SH2D2A: variants seen among roughly 807,000 people sequenced by gnomAD.
SH2D2A encodes the protein SH2 domain containing 2A, also known as SH2 domain-containing protein 2A.
In SH2D2A, 33 loss-of-function variants were observed where a neutral mutation model predicts 43.6. The observed-to-expected ratio is 0.76, with a 90% CI of 0.57 to 1.01. The LOEUF (loss-of-function observed/expected upper bound fraction) is 1.01, where lower values mean the gene tolerates loss of function less well. SH2D2A is among the 50% of genes least tolerant of loss of function. SH2D2A has a pLI of 0.00. For synonymous variants in SH2D2A, 212 were observed against 206.1 expected (o/e 1.03, Z -0.25); for missense variants, 491 against 503.1 (o/e 0.98, Z 0.23).
Position 156,809,389 on chromosome 1 carries a change from G to A in SH2D2A, c.816C>T (p.Arg272=). The A allele has an allele frequency of 6.2e-7, 1 of 1,614,058 alleles. No individual in the cohort carries two copies. Among genetic ancestry groups the A allele is most frequent in the Non-Finnish European group, 8.5e-7 (1 of 1,180,016 alleles). Residue 272 remains arginine (R), a synonymous_variant, in exon 7 of 9, where the codon CGC becomes CGT. Coordinates refer to ENST00000368199, the MANE Select transcript of SH2D2A (RefSeq NM_003975.4). The surrounding 1 kb of genome is among the most constrained non-coding windows in gnomAD (Gnocchi z 4.8). ...TGTAGATAGGATTGGAGGGCTTGGG[G>A]CGTGGGGCCGGGCGGTGTCGTGGAA... The part of the protein sequence containing the change: ...IPVPRHRPAP[R]PKPSNPIYNE...
At chr1:156,814,648 G>C in intron 3 of SH2D2A, 1 of 404,096 alleles carries the variant, frequency 2.5e-6, no homozygotes, top group Non-Finnish European at 4.4e-6. Flanking sequence ...AAAGAGTTAG[G>C]GAGAAATGAG....
Position 156,815,133 on chromosome 1 carries a change from T to C in SH2D2A, c.212A>G (p.Gln71Arg). The C allele has an allele frequency of 6.2e-7, 1 of 1,609,796 alleles. No homozygotes were observed. Among genetic ancestry groups the C allele is most frequent in the Non-Finnish European group, 8.5e-7 (1 of 1,178,236 alleles). ...CTGGAACCAAGCCCGGGTCTCGGCC[T>C]GCAGGAACAGGCTTCCTTCTCCAGG... ...EVPGEGSLFLQAETRAWFQKT... is the reference protein window; with the variant it reads ...EVPGEGSLFLRAETRAWFQKT... Residue 71 changes from glutamine to arginine, a missense_variant, in exon 3 of 9, where the codon CAG becomes CGG. Gln to Arg is a conservative substitution (Grantham distance 43, BLOSUM62 1). Transcript: ENST00000368199.
chr1:156,813,835 C>T lies in SH2D2A; in HGVS notation c.567+13G>A. ...AGACCCTGGGCTCTCTGGTCAGGGT[C>T]TGGGGCGCGTACCTGTCGGGCGAGG... On this transcript the variant is annotated intron_variant, in intron 5 of 8. Coordinates refer to ENST00000368199, the MANE Select transcript of SH2D2A (RefSeq NM_003975.4). The T allele has an allele frequency of 6.8e-7, 1 of 1,461,256 alleles. No individual in the cohort carries two copies. The highest frequency in any genetic ancestry group is 2.5e-5 in the East Asian group (1 of 39,894). 90.5% of individuals were successfully genotyped at this position (1,461,256 alleles called of 1,614,324 possible).
intron 1 of SH2D2A, 142 bp from the exon 2 acceptor site, chr1:156,816,236 G>T (rs1653917928): frequency 1.5e-6 from 2 of 1,376,284 alleles, no homozygotes; most frequent in African/African-American, 1.5e-5. Flanking sequence ...GGCAGCAGGG[G>T]AGTTTCTCAG....
At chr1:156,814,164 G>T in intron 4 of SH2D2A, 41 bp downstream of exon 4, 1 of 1,610,742 alleles carries the variant, frequency 6.2e-7, no homozygotes. Flanking sequence ...CCCCTCCCGA[G>T]CCCCGCCTTG....
At chr1:156,815,916 TG>T in intron 2 of SH2D2A, 89 bp downstream of exon 2, 1 of 1,610,302 alleles carries the variant, frequency 6.2e-7, no homozygotes, top group Non-Finnish European at 8.5e-7. Flanking sequence ...TCTCTTGGAG[TG>T]GCCTTTGTCC....
chr1:156,812,106 A>T (rs1299641901), intron 5 of SH2D2A, among the ~76,000 whole-genome samples: 1 of 150,878 alleles, frequency 6.6e-6, no homozygotes, highest in African/African-American at 2.4e-5. Context: ...ATCTTTTCAC[A>T]CTCCTCATCC....
intron 5 of SH2D2A, among the ~76,000 whole-genome samples, chr1:156,812,575 C>T (rs1055979867): frequency 2.0e-5 from 3 of 152,210 alleles, no homozygotes; most frequent in Admixed American, 6.5e-5. Context: ...TCCGCTTACC[C>T]GAGTGGCCTT....
Position 156,807,137 on chromosome 1 carries a change from C to T in SH2D2A, c.*3+38G>A, listed in dbSNP as rs755108108. On this transcript the variant is annotated intron_variant, in intron 8 of 8. Coordinates refer to ENST00000368199, the MANE Select transcript of SH2D2A (RefSeq NM_003975.4). The surrounding 1 kb of genome is among the most constrained non-coding windows in gnomAD (Gnocchi z 5.1). ...CAGGTGTGTGTGAAGGTCTCTGGAC[C>T]TGATGCTCCAAGTTATCCTCACCAA... is the stretch of plus-strand genomic sequence containing the variant. 1.9e-6 allele frequency: 3 copies of T among 1,592,634 alleles called. No homozygotes were observed. Among genetic ancestry groups the T allele is most frequent in the Non-Finnish European group, 2.6e-6 (3 of 1,162,928 alleles).
chr1:156,808,795 A>G (rs2102791572), intron 7 of SH2D2A, among the ~76,000 whole-genome samples: 1 of 152,302 alleles, frequency 6.6e-6, no homozygotes, highest in African/African-American at 2.4e-5. Flanking sequence ...TTTCTCCAGG[A>G]CAGCAGGGCC....
chr1:156,807,271 TG>T lies in SH2D2A; in HGVS notation c.1076del (p.Pro359HisfsTer68). 2 of 329,890 alleles carry T rather than the reference TG, an allele frequency of 6.1e-6. No individual in the cohort carries two copies. The allele number at this position is 329,890 out of a possible 1,614,324, so 20.4% of individuals were successfully genotyped here. On this transcript the variant is annotated frameshift_variant, in exon 8 of 9. Coordinates refer to ENST00000368199, the MANE Select transcript of SH2D2A (RefSeq NM_003975.4). LOFTEE classifies it high-confidence loss of function. The surrounding 1 kb of genome is among the most constrained non-coding windows in gnomAD (Gnocchi z 5.1). ...GGGGGAGGGTGTGTCTCCAGGCGGG[TG>T]GGGGCTGGTGGGGCAGGGGAGGGCC... ...GQGPPLPHQP[P>X]PAWRHTLPHN...
intron 1 of SH2D2A, 107 bp downstream of exon 1, chr1:156,816,568 G>T: frequency 8.0e-7 from 1 of 1,247,128 alleles, no homozygotes; most frequent in Non-Finnish European, 1.1e-6. Flanking sequence ...TCTGGCTTAG[G>T]GTGGGGCCCC....
rs778939781 is a variant in SH2D2A at position 156,809,462 on chromosome 1, G to A, written c.743C>T (p.Pro248Leu). Residue 248 changes from proline to leucine, a missense_variant, in exon 7 of 9, where the codon CCC (proline) becomes CTC (leucine). Transcript: ENST00000368199. The surrounding 1 kb of genome is among the most constrained non-coding windows in gnomAD (Gnocchi z 4.8). The stretch of plus-strand genomic sequence containing the variant: ...GGGCAGCTGAGGTTTGGCGGGGATG[G>A]GAGGCTTGGGCCTGAGCAGCTGGGA... ...EPSQLLRPKP[P>L]IPAKPQLPPE... 10 of 1,609,768 alleles carry A rather than the reference G, an allele frequency of 6.2e-6. No homozygotes were observed. The South Asian group carries it at 9.9e-5, about 16-fold the overall frequency.
chr1:156,815,811 T>C, intron 2 of SH2D2A, 195 bp downstream of exon 2: 1 of 1,613,994 alleles, frequency 6.2e-7, no homozygotes, highest in Non-Finnish European at 8.5e-7. Context: ...AGTAAGGGAG[T>C]GAGTGGGCAA....
intron 5 of SH2D2A, among the ~76,000 whole-genome samples, chr1:156,812,220 T>C (rs892341216): frequency 6.6e-6 from 1 of 152,104 alleles, no homozygotes; most frequent in African/African-American, 2.4e-5. Flanking sequence ...GCTGCCATCA[T>C]TTCATGTGAA....
chr1:156,813,994 A>G lies in SH2D2A; in HGVS notation c.421T>C (p.Phe141Leu), dbSNP rs1213304781. The G allele has an allele frequency of 1.3e-6, 2 of 1,519,334 alleles. No individual in the cohort carries two copies. Among genetic ancestry groups the G allele is most frequent in the Non-Finnish European group, 1.8e-6 (2 of 1,134,548 alleles). 94.1% of individuals were successfully genotyped at this position (1,519,334 alleles called of 1,614,324 possible). A position where few individuals can be genotyped will look rare whatever the true frequency, so the allele number is the denominator to read the frequency against. Residue 141 changes from phenylalanine (F) to leucine (L), a missense_variant, in exon 5 of 9, where the codon TTC becomes CTC. Transcript: ENST00000368199. ...CCGTCCCTGAGCTGGGCCAGCAGGA[A>G]GTGGCGGCAGCAAGTCCGGCTCCTG... is the stretch of plus-strand genomic sequence containing the variant. Reference protein sequence around the residue: ...TYRSRTCCRHFLLAQLRDGRH... With the variant: ...TYRSRTCCRHLLLAQLRDGRH...
At chr1:156,813,797 G>A (rs2018304104) in intron 5 of SH2D2A, 51 bp downstream of exon 5, 2 of 1,348,638 alleles carry the variant, frequency 1.5e-6, no homozygotes, top group African/African-American at 1.5e-5. Context: ...TGAGCGGGAG[G>A]GGCGCTGGCC....
intron 3 of SH2D2A, 168 bp from the exon 4 acceptor site, chr1:156,814,462 C>G: frequency 2.3e-6 from 3 of 1,297,692 alleles, no homozygotes; most frequent in Non-Finnish European, 2.1e-6. Flanking sequence ...GCTGCTCTCC[C>G]GCTGCAGGGA....
At chr1:156,808,282 G>C (rs1653117643) in intron 7 of SH2D2A, among the ~76,000 whole-genome samples, 1 of 152,200 alleles carries the variant, frequency 6.6e-6, no homozygotes. Flanking sequence ...TAGCTGGGTA[G>C]CTGGAGAGTT....
Sources: gnomAD v4.1 joint callset for allele counts (sites outside exome capture counted in the v4.1 genomes callset) on GRCh38, gnomAD v4.1.1 for gene constraint, Gnocchi (gnomAD v3.1) non-coding constraint, MANE v1.5 for transcripts, NCBI Gene and HGNC (gene_info 2026-07-23, HGNC 2026-07-21) for gene names.